DNAAF4: variants seen among roughly 807,000 people sequenced by gnomAD.
DNAAF4 encodes dynein assembly factor 4, axonemal.
DNAAF4 carries 43 observed loss-of-function variants against 51.8 expected under a neutral mutation model. The observed-to-expected ratio is 0.83, with a 90% CI of 0.65 to 1.07. The LOEUF is 1.07. Among genes scored for constraint, DNAAF4 ranks in the 50% least tolerant of loss-of-function variants. The probability of loss-of-function intolerance (pLI) is 0.00; values close to 1 mark genes in which losing one functional copy is unlikely to be tolerated. For missense variants in DNAAF4, 581 were observed against 493.0 expected, an observed-to-expected ratio of 1.18 and a Z score of -1.69; for synonymous variants, 194 against 165.6, an observed-to-expected ratio of 1.17 and a Z score of -1.32.
intron 4 of DNAAF4, among the ~76,000 whole-genome samples, chr15:55,470,120 C>T (rs1383338337): frequency 2.6e-5 from 4 of 151,424 alleles, no homozygotes; most frequent in East Asian, 3.9e-4. Context: ...GGCACGATCT[C>T]GGCTCACTGC....
intron 6 of DNAAF4, among the ~76,000 whole-genome samples, chr15:55,440,999 C>T (rs1284577503): frequency 1.3e-5 from 2 of 149,128 alleles, no homozygotes; most frequent in Non-Finnish European, 3.0e-5. Flanking sequence ...TTTTTTAAAC[C>T]TCAATAGCTG....
chr15:55,491,237 T>C lies in DNAAF4; in HGVS notation c.291A>G (p.Gln97=), dbSNP rs1225131261. The C allele has an allele frequency of 1.2e-6, 2 of 1,612,794 alleles. No individual in the cohort carries two copies. The highest frequency in any genetic ancestry group is 1.7e-6 in the Non-Finnish European group (2 of 1,179,634). ...GTAAAATAGATTTTTCTCTAATTCT[T>C]TGCATCATCTCTTTGTCAACTAAAA... is the stretch of plus-strand genomic sequence containing the variant. ...SVTGVDKEMM[Q]RIREKSILQA... is the part of the protein sequence containing the mutation. The change falls in exon 4 of 10, where the codon CAA becomes CAG. Residue 97 remains glutamine (Q), a synonymous_variant. Coordinates refer to ENST00000321149, the MANE Select transcript of DNAAF4 (RefSeq NM_130810.4).
intron 4 of DNAAF4, among the ~76,000 whole-genome samples, chr15:55,472,668 G>C (rs1433695872): frequency 1.3e-5 from 2 of 151,904 alleles, no homozygotes; most frequent in African/African-American, 4.8e-5. Flanking sequence ...GTTCAAAAAA[G>C]GATGCCATTT....
chr15:55,446,300 G>GGGT (rs1555415280), intron 6 of DNAAF4, among the ~76,000 whole-genome samples: 1 of 104,434 alleles, frequency 9.6e-6, no homozygotes, highest in South Asian at 3.7e-4. Context: ...CCCAGACGGG[G>GGGT]GGGGGGGGCA....
intron 7 of DNAAF4, among the ~76,000 whole-genome samples, chr15:55,436,744 T>C (rs1247920918): frequency 6.6e-6 from 1 of 152,104 alleles, no homozygotes; most frequent in African/African-American, 2.4e-5. Flanking sequence ...TGTCTCAAAA[T>C]CCTGAACTCA....
intron 5 of DNAAF4, among the ~76,000 whole-genome samples, chr15:55,459,681 G>A (rs2058066471): frequency 6.6e-6 from 1 of 151,580 alleles, no homozygotes; most frequent in African/African-American, 2.4e-5. Flanking sequence ...AGCAGGAGTA[G>A]CTATTCTTTT....
At position 55,442,956 on chromosome 15, in the gene DNAAF4, C is replaced by T. The variant is rs1236662599; in HGVS notation, c.784-3375G>A. 13 of 1,611,338 alleles carry T rather than the reference C, an allele frequency of 8.1e-6. No homozygotes were observed. The South Asian group carries it at 1.4e-4, about 18-fold the overall frequency. On this transcript the variant is annotated intron_variant, in intron 6 of 9. Transcript: ENST00000321149. ...GGACTCCTTGAAATAAGCAAACCAT[C>T]CTTTTCTCAACGTCATTGTAGAACA...
At chr15:55,427,228 G>C (rs2057438913), downstream of DNAAF4, among the ~76,000 whole-genome samples, 1 of 152,038 alleles carries the variant, frequency 6.6e-6, no homozygotes, top group South Asian at 2.1e-4. Context: ...ACCACACCCG[G>C]CTGATTTTTT....
intron 3 of DNAAF4, chr15:55,495,204 T>TAAAAAAA (rs35527257): frequency 1.4e-5 from 1 of 72,524 alleles, no homozygotes; most frequent in Non-Finnish European, 2.9e-5. Context: ...TGGGGCTCAC[T>TAAAAAAA]AAAAAAAAAA....
chr15:55,458,330 A>T (rs988202273), intron 5 of DNAAF4, among the ~76,000 whole-genome samples: 1 of 152,200 alleles, frequency 6.6e-6, no homozygotes, highest in Admixed American at 6.5e-5. Context: ...AGAAATAGAT[A>T]TTATAAAGAA....
chr15:55,495,449 G>A (rs1268930770), intron 3 of DNAAF4, among the ~76,000 whole-genome samples: 2 of 152,146 alleles, frequency 1.3e-5, no homozygotes, highest in African/African-American at 4.8e-5. Flanking sequence ...AGAAATTCCA[G>A]GCAGTAGTCT....
chr15:55,481,357 C>G (rs943318982), intron 4 of DNAAF4, among the ~76,000 whole-genome samples: 3 of 152,178 alleles, frequency 2.0e-5, no homozygotes, highest in Non-Finnish European at 4.4e-5. Flanking sequence ...GTCATGGGGC[C>G]CCTGGTCAAG....
chr15:55,485,208 T>C (rs1246304077), intron 4 of DNAAF4, among the ~76,000 whole-genome samples: 2 of 151,758 alleles, frequency 1.3e-5, no homozygotes, highest in African/African-American at 4.8e-5. Context: ...ATACAAAACA[T>C]GTAAAAGTGG....
At chr15:55,479,158 T>C (rs760292328) in intron 4 of DNAAF4, among the ~76,000 whole-genome samples, 2 of 150,976 alleles carry the variant, frequency 1.3e-5, no homozygotes, top group African/African-American at 2.4e-5. Context: ...AGTACAAAAA[T>C]AGCTCTGGGT....
intron 3 of DNAAF4, among the ~76,000 whole-genome samples, chr15:55,492,117 A>C (rs1167236836): frequency 1.3e-5 from 2 of 152,034 alleles, no homozygotes; most frequent in Non-Finnish European, 2.9e-5. Context: ...TTGGCCTCCC[A>C]AAGTGCTGGA....
At chr15:55,446,324 A>C (rs1211280843) in intron 6 of DNAAF4, among the ~76,000 whole-genome samples, 8 of 39,088 alleles carry the variant, frequency 2.0e-4, no homozygotes, top group Admixed American at 1.2e-3. Context: ...GGGCAGAGGC[A>C]CTCCTCACTT....
chr15:55,502,990 G>A (rs2058707515), intron 1 of DNAAF4, among the ~76,000 whole-genome samples: 1 of 151,994 alleles, frequency 6.6e-6, no homozygotes, highest in Non-Finnish European at 1.5e-5. Flanking sequence ...CCAGCAGCTG[G>A]TTTTTTGAAA....
intron 8 of DNAAF4, among the ~76,000 whole-genome samples, chr15:55,433,915 T>TACATTATA (rs2057551170): frequency 1.0e-4 from 1 of 10,048 alleles, no homozygotes; most frequent in African/African-American, 2.0e-4. Flanking sequence ...TATATATAAT[T>TACATTATA]ATATATATTA....
chr15:55,418,648 TAAAG>T (rs1356807764), intron 7 of DNAAF4: 28 of 977,264 alleles, frequency 2.9e-5, no homozygotes, highest in African/African-American at 4.9e-5. Flanking sequence ...GAATACCTAA[TAAAG>T]AAGATAAAAA....
Sources: allele counts gnomAD v4.1 joint callset (sites outside exome capture counted in the v4.1 genomes callset), GRCh38; gene constraint gnomAD v4.1.1; transcripts MANE v1.5; gene names NCBI Gene and HGNC (gene_info 2026-07-23, HGNC 2026-07-21).